DCC: variants seen among roughly 807,000 people sequenced by gnomAD.
DCC encodes the protein DCC netrin 1 receptor.
In DCC, 58 loss-of-function variants were observed where a neutral mutation model predicts 172.5. That is an observed-to-expected ratio of 0.34 (90% CI 0.27 to 0.42). The LOEUF (loss-of-function observed/expected upper bound fraction) is 0.42, where lower values mean the gene tolerates loss of function less well. Among genes scored for constraint, DCC ranks in the 10% least tolerant of loss-of-function variants. The pLI is 1.00. For missense variants in DCC, 1,740 were observed against 1,791.0 expected (o/e 0.97, Z 0.51); for synonymous variants, 709 against 644.5 (o/e 1.10, Z -1.52).
rs558126600 is a variant in DCC at position 52,994,520 on chromosome 18, C to G, written c.986-68785C>G. 1.4e-4 allele frequency among the ~76,000 whole-genome samples: 21 copies of G among 152,252 alleles called. No homozygotes were observed. In the South Asian group the frequency reaches 3.7e-3, roughly 27 times the overall value. On this transcript the variant is annotated intron_variant, in intron 5 of 28. Transcript: ENST00000442544. ...GGGATATGAACGTACGATTCTCATA[C>G]TTCAGTGAGTCAGTGTGTTATGTAA...
intron 15 of DCC, among the ~76,000 whole-genome samples, chr18:53,360,495 G>C (rs2057934116): frequency 6.6e-6 from 1 of 151,902 alleles, no homozygotes; most frequent in South Asian, 2.1e-4. Context: ...CATTCAATAG[G>C]AATGACATTT....
chr18:53,372,229 A>G (rs1449488171), intron 15 of DCC, among the ~76,000 whole-genome samples: 1 of 152,138 alleles, frequency 6.6e-6, no homozygotes, highest in Non-Finnish European at 1.5e-5. Context: ...ATGCCCATCC[A>G]TGGTAGACTG....
intron 12 of DCC, among the ~76,000 whole-genome samples, chr18:53,234,324 G>A (rs1370330372): frequency 1.3e-5 from 2 of 152,108 alleles, no homozygotes; most frequent in Non-Finnish European, 2.9e-5. Flanking sequence ...AGCTACTCGG[G>A]AGGCTGAGCC....
intron 3 of DCC, among the ~76,000 whole-genome samples, chr18:52,910,763 G>A (rs2039960418): frequency 6.6e-6 from 1 of 152,080 alleles, no homozygotes; most frequent in Non-Finnish European, 1.5e-5. Flanking sequence ...TGATCAATTG[G>A]TAATTCAATC....
intron 5 of DCC, among the ~76,000 whole-genome samples, chr18:53,020,325 A>G (rs1048208426): frequency 1.3e-5 from 2 of 152,180 alleles, no homozygotes; most frequent in African/African-American, 4.8e-5. Flanking sequence ...TGAAAATTTA[A>G]AATTGCAACA....
chr18:53,354,875 CCTAGGTTTT>C (rs1161258671), intron 15 of DCC, among the ~76,000 whole-genome samples: 1 of 150,482 alleles, frequency 6.6e-6, no homozygotes. Context: ...AATGGTATTG[CCTAGGTTTT>C]CTTCTAGGTT....
chr18:52,978,630 A>G (rs74404374), intron 5 of DCC, among the ~76,000 whole-genome samples: 17,020 of 152,164 alleles, frequency 0.11, 1,380 homozygotes, highest in East Asian at 0.31. Flanking sequence ...TAAATAGCAC[A>G]GTGAGAGTGT....
At chr18:52,891,188 A>C (rs2039645492) in intron 2 of DCC, among the ~76,000 whole-genome samples, 1 of 152,070 alleles carries the variant, frequency 6.6e-6, no homozygotes, top group African/African-American at 2.4e-5. Context: ...TCTTACCATA[A>C]GTCCCTAGGC....
intron 1 of DCC, among the ~76,000 whole-genome samples, chr18:52,725,811 C>T (rs1184907936): frequency 1.3e-5 from 2 of 152,170 alleles, no homozygotes; most frequent in East Asian, 3.9e-4. Context: ...AAATACATAT[C>T]AGTATAGATC....
chr18:52,657,253 G>A (rs1027108560), intron 1 of DCC, among the ~76,000 whole-genome samples: 7 of 152,156 alleles, frequency 4.6e-5, no homozygotes, highest in East Asian at 1.9e-4. Flanking sequence ...CAGTCTGCAC[G>A]AATGCTCCAA....
intron 5 of DCC, among the ~76,000 whole-genome samples, chr18:52,931,433 G>A (rs184799383): frequency 1.3e-4 from 19 of 151,994 alleles, no homozygotes; most frequent in Non-Finnish European, 2.5e-4. Flanking sequence ...TTAGACTCTT[G>A]TTTTGCCTTT....
chr18:53,068,269 T>C lies in DCC; in HGVS notation c.1261+2103T>C, dbSNP rs183129748. On this transcript the variant is annotated intron_variant, in intron 7 of 28. Coordinates refer to ENST00000442544, the MANE Select transcript of DCC (RefSeq NM_005215.4). ...AGCCACACTTTTTTTCTTTTAATTTTATTATTATTATACTTTAAGTTTTAG... is the reference window on the plus strand; with the variant it reads ...AGCCACACTTTTTTTCTTTTAATTTCATTATTATTATACTTTAAGTTTTAG... Among the ~76,000 whole-genome samples, 15 of 152,258 alleles carry C rather than the reference T, an allele frequency of 9.9e-5. No homozygotes were observed. The East Asian group carries it at 2.5e-3, about 25-fold the overall frequency.
rs558495417 is a variant in DCC, at chr18:52,341,984, A to G, written c.91+1106A>G. On this transcript the variant is annotated intron_variant, in intron 1 of 28. Transcript: ENST00000442544. ...GAGCTCCCCAGTTCGTGCCTGGGAA[A>G]TTAACAGGGAATGGCACATCAATCG... Among the ~76,000 whole-genome samples the G allele has an allele frequency of 1.1e-3, 163 of 152,276 alleles. 1 individual carries two copies. The highest frequency in any genetic ancestry group is 3.5e-3 in the African/African-American group (147 of 41,554).
intron 12 of DCC, among the ~76,000 whole-genome samples, chr18:53,239,376 A>G (rs2056255033): frequency 6.6e-6 from 1 of 151,798 alleles, no homozygotes; most frequent in Non-Finnish European, 1.5e-5. Flanking sequence ...TTCAAACCAC[A>G]GAGTCACTGC....
At chr18:52,694,887 A>C (rs1018923803) in intron 1 of DCC, among the ~76,000 whole-genome samples, 1 of 152,210 alleles carries the variant, frequency 6.6e-6, no homozygotes, top group Non-Finnish European at 1.5e-5. Flanking sequence ...GGTTCTCTGT[A>C]TGTACAAGTG....
At chr18:52,791,472 GT>G (rs374755724) in intron 2 of DCC, among the ~76,000 whole-genome samples, 10 of 146,494 alleles carry the variant, frequency 6.8e-5, no homozygotes, top group Middle Eastern at 3.4e-3. Flanking sequence ...TTTGTGTTTT[GT>G]TTTTTTTTTG....
At position 52,340,389 on chromosome 18, in the gene DCC, C is replaced by T. The variant is rs991063007; in HGVS notation, c.-399C>T. 9 of 261,690 alleles carry T rather than the reference C, an allele frequency of 3.4e-5. No individual in the cohort carries two copies. Among genetic ancestry groups the T allele is most frequent in the African/African-American group, 2.0e-4 (9 of 45,892 alleles). The allele number at this position is 261,690 out of a possible 1,614,324, so 16.2% of individuals were successfully genotyped here. A position where few individuals can be genotyped will look rare whatever the true frequency, so the allele number is the denominator to read the frequency against. On this transcript the variant is annotated 5_prime_UTR_variant, in exon 1 of 29. Coordinates refer to ENST00000442544, the MANE Select transcript of DCC (RefSeq NM_005215.4). The stretch of plus-strand genomic sequence containing the variant: ...AGCCTCAACCTTTTAATGCACAGCC[C>T]GGCCACAGGATTGCCTTCCATCTCC...
At chr18:53,054,657 T>A (rs1004917705) in intron 5 of DCC, among the ~76,000 whole-genome samples, 2 of 152,038 alleles carry the variant, frequency 1.3e-5, no homozygotes, top group Non-Finnish European at 2.9e-5. Flanking sequence ...CAGGAAGAGC[T>A]GGAACTAAGG....
intron 7 of DCC, among the ~76,000 whole-genome samples, chr18:53,130,296 A>G (rs2043631638): frequency 6.6e-6 from 1 of 152,040 alleles, no homozygotes; most frequent in African/African-American, 2.4e-5. Flanking sequence ...TAAAGTCTTT[A>G]CTCTGGGGTG....
Sources: gnomAD v4.1 joint callset for allele counts (sites outside exome capture counted in the v4.1 genomes callset) on GRCh38, gnomAD v4.1.1 for gene constraint, MANE v1.5 for transcripts, NCBI Gene and HGNC (gene_info 2026-07-23, HGNC 2026-07-21) for gene names.